Variants in ANXA8 observed in about 807,000 individuals in gnomAD.
ANXA8 encodes annexin A8.
A neutral mutation model predicts 26.8 loss-of-function variants in ANXA8; 9 were observed. The ratio of observed to expected loss-of-function variants is 0.34; its 90% confidence interval spans 0.20 to 0.59. ANXA8 has a LOEUF of 0.59. ANXA8 is among the 20% of genes least tolerant of loss of function. The pLI, the probability that ANXA8 is intolerant of heterozygous loss-of-function variation, is 0.84. For missense variants in ANXA8, 83 were observed against 238.5 expected, an observed-to-expected ratio of 0.35 and a Z score of 4.29; for synonymous variants, 39 against 94.8, an observed-to-expected ratio of 0.41 and a Z score of 3.42.
chr10:47,733,209 CTTTCTTTCTTTCTCTTTCTTTCTCTCTT>C, the ANXA8 span, among the ~76,000 whole-genome samples: 170 of 64,008 alleles, frequency 2.7e-3, 2 homozygotes, highest in Admixed American at 8.7e-3. Flanking sequence ...TTCTTTCTTT[CTTTCTTTCTTTCTCTTTCTTTCTCTCTT>C]TCTTTCTTTC....
the ANXA8 span, among the ~76,000 whole-genome samples, chr10:47,660,575 AT>A: frequency 6.6e-6 from 1 of 151,400 alleles, no homozygotes; most frequent in Non-Finnish European, 1.5e-5. Context: ...TAATTTTTGT[AT>A]TTTTTGTAGA....
At chr10:47,497,989 C>T in the ANXA8 span, among the ~76,000 whole-genome samples, 1 of 151,842 alleles carries the variant, frequency 6.6e-6, no homozygotes, top group African/African-American at 2.4e-5. Context: ...GTAAAATATA[C>T]ATAAAATTTA....
At chr10:47,659,359 A>C in the ANXA8 span, among the ~76,000 whole-genome samples, 1 of 151,756 alleles carries the variant, frequency 6.6e-6, no homozygotes, top group East Asian at 1.9e-4. Context: ...AAGTAAACTG[A>C]AAATATTTCC....
At chr10:47,733,145 CTTTCTTTCTTTCTTTCTTTCTTT>C in the ANXA8 span, among the ~76,000 whole-genome samples, 1 of 49,382 alleles carries the variant, frequency 2.0e-5, no homozygotes, top group African/African-American at 7.7e-5. Flanking sequence ...ACTCCCTAAT[CTTTCTTTCTTTCTTTCTTTCTTT>C]CTTTCTTTCT....
the ANXA8 span, among the ~76,000 whole-genome samples, chr10:47,700,820 A>G: frequency 6.7e-6 from 1 of 148,552 alleles, no homozygotes; most frequent in Non-Finnish European, 1.5e-5. Flanking sequence ...GGTTGTTCAC[A>G]CTGGTAATCA....
At chr10:47,625,687 TACA>T in the ANXA8 span, among the ~76,000 whole-genome samples, 1 of 152,134 alleles carries the variant, frequency 6.6e-6, no homozygotes, top group Non-Finnish European at 1.5e-5. Context: ...TTTGGGCCTC[TACA>T]ACATCTTCAC....
chr10:47,504,712 C>T, the ANXA8 span, among the ~76,000 whole-genome samples: 1 of 126,252 alleles, frequency 7.9e-6, no homozygotes, highest in Non-Finnish European at 1.6e-5. Flanking sequence ...AGAGGCCAGT[C>T]TTTGAGGAAC....
At chr10:47,567,126 C>T in the ANXA8 span, among the ~76,000 whole-genome samples, 7 of 113,806 alleles carry the variant, frequency 6.2e-5, no homozygotes, top group South Asian at 9.1e-4. Context: ...GGAGTTCAGG[C>T]GCCAGCCAAG....
At chr10:47,984,718 T>A in the ANXA8 span, among the ~76,000 whole-genome samples, 1 of 137,036 alleles carries the variant, frequency 7.3e-6, no homozygotes, top group East Asian at 2.0e-4. Context: ...ATTGGTTTTT[T>A]TCACTTAGCC....
At chr10:47,682,664 G>T in the ANXA8 span, among the ~76,000 whole-genome samples, 4 of 151,534 alleles carry the variant, frequency 2.6e-5, no homozygotes, top group Admixed American at 6.6e-5. Context: ...AGAGACGGGG[G>T]TTTTGTCGTG....
At chr10:47,511,272 G>A in the ANXA8 span, among the ~76,000 whole-genome samples, 1 of 142,572 alleles carries the variant, frequency 7.0e-6, no homozygotes, top group South Asian at 2.2e-4. Context: ...ACGATAAAAT[G>A]TAGTGTATTA....
the ANXA8 span, among the ~76,000 whole-genome samples, chr10:47,674,747 G>T: frequency 6.6e-6 from 1 of 151,712 alleles, no homozygotes; most frequent in Admixed American, 6.6e-5. Context: ...TAAAATATTA[G>T]TATGGACTTA....
the ANXA8 span, among the ~76,000 whole-genome samples, chr10:47,609,345 G>C: frequency 2.1e-5 from 3 of 142,380 alleles, no homozygotes; most frequent in Middle Eastern, 3.4e-3. Flanking sequence ...GAAAGAGCTA[G>C]TATAAATGTC....
chr10:47,650,999 G>A, the ANXA8 span, among the ~76,000 whole-genome samples: 1 of 150,938 alleles, frequency 6.6e-6, no homozygotes, highest in Non-Finnish European at 1.5e-5. Flanking sequence ...TTGAGAGACT[G>A]AGTCAGGAAG....
chr10:47,967,397 G>A, the ANXA8 span, among the ~76,000 whole-genome samples: 2 of 148,628 alleles, frequency 1.3e-5, no homozygotes, highest in African/African-American at 5.1e-5. Context: ...TCCTTCCAAA[G>A]TTTTATCATT....
the ANXA8 span, among the ~76,000 whole-genome samples, chr10:47,695,178 A>G: frequency 1.3e-5 from 2 of 151,264 alleles, no homozygotes; most frequent in South Asian, 4.2e-4. Context: ...GCAGTGGGGA[A>G]CCACTGTTTT....
chr10:47,701,513 G>T, the ANXA8 span, among the ~76,000 whole-genome samples: 1 of 151,810 alleles, frequency 6.6e-6, no homozygotes, highest in Non-Finnish European at 1.5e-5. Flanking sequence ...TATGTACTAT[G>T]CAGCTGTACA....
At chr10:47,648,152 A>G in the ANXA8 span, among the ~76,000 whole-genome samples, 3,697 of 149,382 alleles carry the variant, frequency 0.025, 1 homozygote, top group Non-Finnish European at 0.038. Context: ...TGTTCTTGGG[A>G]GAATATCAGC....
chr10:47,776,932 T>C, the ANXA8 span, among the ~76,000 whole-genome samples: 1 of 151,668 alleles, frequency 6.6e-6, no homozygotes, highest in East Asian at 2.0e-4. Context: ...TGTTTCACCA[T>C]CACCTCCACT....
Sources: allele counts gnomAD v4.1 joint callset (sites outside exome capture counted in the v4.1 genomes callset), GRCh38; gene constraint gnomAD v4.1.1; transcripts MANE v1.5; gene names NCBI Gene and HGNC (gene_info 2026-07-23, HGNC 2026-07-21).